SRRM1: variants seen among roughly 807,000 people sequenced by gnomAD.
The protein encoded by SRRM1 is serine/arginine repetitive matrix protein 1.
Under a neutral mutation model 110.2 loss-of-function variants are expected in SRRM1, and 19 were observed. The observed-to-expected ratio is 0.17, with a 90% CI of 0.12 to 0.25. SRRM1 has a LOEUF of 0.25. Among genes scored for constraint, SRRM1 ranks in the 10% least tolerant of loss-of-function variants. The pLI is 1.00. For missense variants in SRRM1, 918 were observed against 1,145.8 expected (o/e 0.80, Z 2.87); for synonymous variants, 443 against 414.9 (o/e 1.07, Z -0.82).
chr1:24,669,262 C>T lies in SRRM1; in HGVS notation c.1879C>T (p.Pro627Ser). The T allele has an allele frequency of 6.2e-7, 1 of 1,614,194 alleles. No individual in the cohort carries two copies. The highest frequency in any genetic ancestry group is 1.1e-5 in the South Asian group (1 of 91,086). The change falls in exon 14 of 17, where the codon CCA becomes TCA. Residue 627 changes from proline (P) to serine (S), a missense_variant. Transcript: ENST00000323848. ...PPPPPKRRAS[P>S]SPPPKRRVSH... Reference sequence around the variant, plus strand: ...TCCCCCTCCTAAACGAAGAGCATCACCATCTCCACCACCAAAGCGGCGGGT... The same window carrying T: ...TCCCCCTCCTAAACGAAGAGCATCATCATCTCCACCACCAAAGCGGCGGGT...
intron 12 of SRRM1, 25 bp from the exon 13 acceptor site, chr1:24,666,790 T>C (rs927991872): frequency 1.9e-6 from 3 of 1,590,658 alleles, no homozygotes; most frequent in Admixed American, 3.4e-5. Flanking sequence ...AGAAAAAAAA[T>C]TAACTATAAT....
At chr1:24,663,871 C>T (rs930041823) in intron 12 of SRRM1, among the ~76,000 whole-genome samples, 4 of 118,244 alleles carry the variant, frequency 3.4e-5, no homozygotes, top group Non-Finnish European at 6.8e-5. Context: ...GCTAAATTCC[C>T]TCTCAAAAAT....
chr1:24,661,976 C>T (rs1667479814), intron 11 of SRRM1, among the ~76,000 whole-genome samples: 1 of 152,088 alleles, frequency 6.6e-6, no homozygotes. Flanking sequence ...ATCCCAGTTA[C>T]TTGGGAGGCC....
chr1:24,666,779 A>G, intron 12 of SRRM1, 36 bp from the exon 13 acceptor site: 2 of 1,580,110 alleles, frequency 1.3e-6, no homozygotes, highest in Non-Finnish European at 1.7e-6. Flanking sequence ...ACACAAAAAA[A>G]AGAAAAAAAA....
In SRRM1 at chr1:24,666,889, G is replaced by A. The variant is rs370225206; in HGVS notation, c.1703G>A (p.Arg568Gln). ...RRSPSPAPPPRRRRTPTPPPR... is the reference protein window; with the variant it reads ...RRSPSPAPPPQRRRTPTPPPR... ...TCTCCTTCTCCCGCCCCTCCTCCTCGACGGCGCAGGACTCCCACACCACCA... is the reference window on the plus strand; with the variant it reads ...TCTCCTTCTCCCGCCCCTCCTCCTCAACGGCGCAGGACTCCCACACCACCA... Residue 568 changes from arginine (R) to glutamine (Q), a missense_variant, in exon 13 of 17, where the codon CGA (arginine) becomes CAA (glutamine). This residue lies in a region of SRRM1 where 357 missense variants were observed against 402.9 expected (regional missense o/e 0.89). Coordinates refer to ENST00000323848, the MANE Select transcript of SRRM1 (RefSeq NM_005839.4). 2.1e-5 allele frequency: 34 copies of A among 1,610,444 alleles called. No individual in the cohort carries two copies. The highest frequency in any genetic ancestry group is 2.8e-5 in the Non-Finnish European group (33 of 1,178,908).
At chr1:24,668,398 G>A (rs891909765) in intron 13 of SRRM1, among the ~76,000 whole-genome samples, 1 of 152,198 alleles carries the variant, frequency 6.6e-6, no homozygotes, top group African/African-American at 2.4e-5. Context: ...GAGGAAATGG[G>A]AGTTGAGAAT....
intron 12 of SRRM1, chr1:24,663,210 G>A (rs757483385): frequency 9.3e-6 from 14 of 1,512,278 alleles, no homozygotes; most frequent in Admixed American, 4.1e-5. Context: ...GATGGCAATC[G>A]CCAGTGACTA....
At chr1:24,666,772 C>G (rs749228007) in intron 12 of SRRM1, 43 bp from the exon 13 acceptor site, 1 of 1,523,050 alleles carries the variant, frequency 6.6e-7, no homozygotes, top group Non-Finnish European at 9.0e-7. Flanking sequence ...CACACACACA[C>G]AAAAAAAAGA....
At chr1:24,646,128 A>C (rs1657389715) in intron 2 of SRRM1, 55 bp downstream of exon 2, 1 of 1,370,322 alleles carries the variant, frequency 7.3e-7, no homozygotes. Context: ...ACTTGACTCA[A>C]GTTCTGGGGT....
At chr1:24,661,439 A>G (rs748719864) in intron 11 of SRRM1, 43 bp downstream of exon 11, 2 of 1,421,696 alleles carry the variant, frequency 1.4e-6, no homozygotes, top group Admixed American at 3.7e-5. Context: ...TGTATTTCCT[A>G]TTAAAAAATA....
At position 24,672,186 on chromosome 1, in the gene SRRM1, C is replaced by T. The variant is rs1410874450; in HGVS notation, c.2615C>T (p.Thr872Ile). ...TGTAAATTCTGTTTTTTTTAGGAGA[C>T]TGAAAGTGAAGCTGAAGATAACCTT... ...PVAAPEPKKE[T>I]ESEAEDNLDD... The change falls in exon 17 of 17, where the codon ACT becomes ATT. Residue 872 changes from threonine (T) to isoleucine (I), a missense_variant. Around this residue, in one of 5 missense-constraint regions of SRRM1, gnomAD observed 62 missense variants for 127.6 expected, o/e 0.49. Coordinates refer to ENST00000323848, the MANE Select transcript of SRRM1 (RefSeq NM_005839.4). The T allele has an allele frequency of 1.9e-6, 3 of 1,607,706 alleles. No homozygotes were observed. The highest frequency in any genetic ancestry group is 1.7e-5 in the Admixed American group (1 of 59,322).
chr1:24,654,324 G>T, intron 8 of SRRM1: 3 of 1,289,574 alleles, frequency 2.3e-6, no homozygotes, highest in Non-Finnish European at 3.0e-6. Context: ...GAATTCTTCC[G>T]CCAAAGGTGA....
intron 11 of SRRM1, 90 bp from the exon 12 acceptor site, chr1:24,662,570 A>AG (rs1294813169): frequency 2.3e-6 from 3 of 1,312,584 alleles, no homozygotes; most frequent in African/African-American, 3.0e-5. Flanking sequence ...TGCTTACCCT[A>AG]GTGAACACTC....
At position 24,643,319 on chromosome 1, in the gene SRRM1, G is replaced by T. The variant is rs367841717; in HGVS notation, c.-8G>T. 1,388 of 1,561,386 alleles carry T rather than the reference G, an allele frequency of 8.9e-4. 4 individuals are homozygous for T. The highest frequency in any genetic ancestry group is 1.1e-3 in the Non-Finnish European group (1,327 of 1,158,338). On this transcript the variant is annotated 5_prime_UTR_variant, in exon 1 of 17. Transcript: ENST00000323848. The stretch of plus-strand genomic sequence containing the variant: ...GGATAGGGAGCGATCTCCGAGCGAG[G>T]CGGCAAGATGGACGCGGGATTTTTC...
At chr1:24,662,931 T>A in intron 12 of SRRM1, 127 bp downstream of exon 12, 1 of 1,299,224 alleles carries the variant, frequency 7.7e-7, no homozygotes, top group South Asian at 1.5e-5. Flanking sequence ...TTTTGTTTGC[T>A]TTTTAGGGTT....
intron 5 of SRRM1, among the ~76,000 whole-genome samples, chr1:24,651,188 CT>C (rs936473042): frequency 6.6e-6 from 1 of 152,190 alleles, no homozygotes; most frequent in Non-Finnish European, 1.5e-5. Context: ...CAAGTTAGTG[CT>C]TTTCTCCCTT....
chr1:24,656,994 A>G (rs983548848), intron 9 of SRRM1, among the ~76,000 whole-genome samples: 7 of 152,294 alleles, frequency 4.6e-5, no homozygotes, highest in African/African-American at 1.7e-4. Flanking sequence ...ACCTACCCAA[A>G]GAGAGGCACT....
intron 12 of SRRM1, chr1:24,663,186 G>T (rs1252649223): frequency 1.3e-6 from 2 of 1,515,194 alleles, no homozygotes; most frequent in Middle Eastern, 1.7e-4. Context: ...CTCTCAGGAT[G>T]CAGATGGGAA....
rs769795679 is a variant in SRRM1 at position 24,652,594 on chromosome 1, A to G, written c.886A>G (p.Thr296Ala). 23 of 1,612,144 alleles carry G rather than the reference A, an allele frequency of 1.4e-5. No individual in the cohort carries two copies. The Admixed American group carries it at 2.4e-4, about 16-fold the overall frequency. The change falls in exon 7 of 17, where the codon ACT (threonine) becomes GCT (alanine). Residue 296 changes from threonine (T) to alanine (A), a missense_variant. Transcript: ENST00000323848. ...SRTRSRSPSH[T>A]RPRRRHRSRS... is the part of the protein sequence containing the mutation. ...GACGCGGTCCCGCTCTCCTTCTCAC[A>G]CTCGACCTAGACGGCGCCATAGATC...
Sources: gnomAD v4.1 joint callset for allele counts (sites outside exome capture counted in the v4.1 genomes callset) on GRCh38, gnomAD v4.1.1 for gene constraint, gnomAD v4.1.1 regional missense constraint, MANE v1.5 for transcripts, NCBI Gene and HGNC (gene_info 2026-07-23, HGNC 2026-07-21) for gene names.